NUP50: variants seen among roughly 807,000 people sequenced by gnomAD.
The protein encoded by NUP50 is nuclear pore complex protein Nup50.
In NUP50, 14 loss-of-function variants were observed where a neutral mutation model predicts 36.8. That is an observed-to-expected ratio of 0.38 (90% CI 0.25 to 0.59). The LOEUF is 0.59. Among genes scored for constraint, NUP50 ranks in the 20% least tolerant of loss-of-function variants. The pLI, the probability that NUP50 is intolerant of heterozygous loss-of-function variation, is 0.63. For synonymous variants in NUP50, 195 were observed against 210.8 expected (o/e 0.93, Z 0.65); for missense variants, 455 against 564.6 (o/e 0.81, Z 1.97).
intron 2 of NUP50, among the ~76,000 whole-genome samples, chr22:45,170,671 T>C (rs1402591545): frequency 1.3e-5 from 2 of 152,122 alleles, no homozygotes; most frequent in Admixed American, 6.5e-5. Context: ...AAATCTTTGG[T>C]TATGGGGGTT....
chr22:45,175,818 A>G, intron 3 of NUP50, 76 bp from the exon 4 acceptor site: 1 of 1,459,292 alleles, frequency 6.9e-7, no homozygotes, highest in Admixed American at 1.8e-5. Flanking sequence ...TTTAGCCAAG[A>G]TGCTGTTGTC....
rs1472246856 is a variant in NUP50 at position 45,168,175 on chromosome 22, A to C, written c.-3A>C. 6.2e-7 allele frequency: 1 copy of C among 1,607,642 alleles called. No individual in the cohort carries two copies. The highest frequency in any genetic ancestry group is 1.7e-5 in the Admixed American group (1 of 58,386). Reference sequence around the variant, plus strand: ...CTGTTTTCTATAACTTAGGTTCGAAAACATGGCCAAAAGAAATGCCGAGAA... The same window carrying C: ...CTGTTTTCTATAACTTAGGTTCGAACACATGGCCAAAAGAAATGCCGAGAA... On this transcript the variant is annotated 5_prime_UTR_variant, in exon 2 of 8. Transcript: ENST00000347635.
rs774551982 is a variant in NUP50 at position 45,181,372 on chromosome 22, G to A, written c.1085+5G>A. 6.3e-7 allele frequency: 1 copy of A among 1,575,928 alleles called. No individual in the cohort carries two copies. The highest frequency in any genetic ancestry group is 2.0e-5 in the Admixed American group (1 of 51,252). On this transcript the variant is annotated splice_donor_5th_base_variant and intron_variant, in intron 6 of 7. Coordinates refer to ENST00000347635, the MANE Select transcript of NUP50 (RefSeq NM_007172.4). ...AGATGCTTTTTACTCCAAAAAGTAA[G>A]AATCCCCACAACCTGCTGGCGCATG...
intron 6 of NUP50, among the ~76,000 whole-genome samples, chr22:45,182,697 T>C (rs2074395812): frequency 7.4e-6 from 1 of 135,144 alleles, no homozygotes; most frequent in South Asian, 2.6e-4. Context: ...CAATCTCGGC[T>C]CACTGCAAGC....
At chr22:45,180,203 T>G (rs897356939) in intron 5 of NUP50, 1 of 152,342 alleles carries the variant, frequency 6.6e-6, no homozygotes, top group African/African-American at 2.4e-5. Context: ...CTGTTCCTTG[T>G]CCCTTGGTTA....
Position 45,184,863 on chromosome 22 carries a change from T to C in NUP50, c.*208T>C. 2 of 593,864 alleles carry C rather than the reference T, an allele frequency of 3.4e-6. No individual in the cohort carries two copies. The highest frequency in any genetic ancestry group is 4.2e-5 in the South Asian group (2 of 47,286). The allele number at this position is 593,864 out of a possible 1,614,324, so 36.8% of individuals were successfully genotyped here. A position where few individuals can be genotyped will look rare whatever the true frequency, so the allele number is the denominator to read the frequency against. Reference sequence around the variant, plus strand: ...CTCCCTTCTTAAGAACTGCCTAAAGTGTAAAATACATTTGAATGCAATTTT... The same window carrying C: ...CTCCCTTCTTAAGAACTGCCTAAAGCGTAAAATACATTTGAATGCAATTTT... On this transcript the variant is annotated 3_prime_UTR_variant, in exon 8 of 8. Transcript: ENST00000347635.
At chr22:45,183,129 T>A (rs981684253) in intron 6 of NUP50, among the ~76,000 whole-genome samples, 4 of 150,108 alleles carry the variant, frequency 2.7e-5, no homozygotes, top group African/African-American at 9.8e-5. Context: ...TTTGACTGAC[T>A]TGAGAACACA....
intron 3 of NUP50, among the ~76,000 whole-genome samples, chr22:45,174,520 A>G (rs2074247636): frequency 6.6e-6 from 1 of 152,106 alleles, no homozygotes; most frequent in African/African-American, 2.4e-5. Flanking sequence ...ATTTTTCTGA[A>G]TATCTTTTTT....
intron 2 of NUP50, chr22:45,170,901 G>A: frequency 2.0e-6 from 2 of 1,017,958 alleles, no homozygotes; most frequent in Non-Finnish European, 2.7e-6. Context: ...CCCTCTATGA[G>A]TGTAGGAGCC....
rs916369696 is a variant in NUP50 at position 45,186,791 on chromosome 22, T to C, written c.*2136T>C. On this transcript the variant is annotated 3_prime_UTR_variant, in exon 8 of 8. Coordinates refer to ENST00000347635, the MANE Select transcript of NUP50 (RefSeq NM_007172.4). Reference sequence around the variant, plus strand: ...ATATACCGTAACTCAAAATGTGATATTTTCTTAAAATCACTCTTTTATGCT... The same window carrying C: ...ATATACCGTAACTCAAAATGTGATACTTTCTTAAAATCACTCTTTTATGCT... 21 of 152,650 alleles carry C rather than the reference T, an allele frequency of 1.4e-4. 1 individual carries two copies. The highest frequency in any genetic ancestry group is 5.1e-4 in the African/African-American group (21 of 41,448). 9.5% of individuals were successfully genotyped at this position (152,650 alleles called of 1,614,324 possible).
At chr22:45,169,089 A>G in intron 2 of NUP50, among the ~76,000 whole-genome samples, 1 of 152,068 alleles carries the variant, frequency 6.6e-6, no homozygotes. Flanking sequence ...TTTAGTAGAG[A>G]CAGGGATTCA....
intron 5 of NUP50, chr22:45,179,187 G>GTGAA (rs2074327113): frequency 3.4e-6 from 1 of 296,280 alleles, no homozygotes; most frequent in South Asian, 9.4e-5. Flanking sequence ...TAAAAAACAA[G>GTGAA]TGAATTAAAG....
intron 6 of NUP50, 54 bp downstream of exon 6, chr22:45,181,421 C>A: frequency 8.4e-7 from 1 of 1,186,410 alleles, no homozygotes; most frequent in Non-Finnish European, 1.2e-6. Context: ...TGGTGGCATG[C>A]TTCAGGCTGG....
At position 45,184,543 on chromosome 22, in the gene NUP50, C is replaced by G. The variant is rs1256276417; in HGVS notation, c.1295C>G (p.Pro432Arg). The change falls in exon 8 of 8, where the codon CCA (proline) becomes CGA (arginine). Residue 432 changes from proline (P) to arginine (R), a missense_variant. Transcript: ENST00000347635. ...NNVLIVCVPN[P>R]PIDEKNATMP... ...GTTCTTATCGTCTGTGTTCCAAATC[C>G]ACCAATTGACGAGAAGAATGCCACC... 1 of 1,612,734 alleles carries G rather than the reference C, an allele frequency of 6.2e-7. No individual in the cohort carries two copies. Among genetic ancestry groups the G allele is most frequent in the African/African-American group, 1.3e-5 (1 of 74,972 alleles).
chr22:45,175,393 C>CT (rs936872908), intron 3 of NUP50, among the ~76,000 whole-genome samples: 1 of 152,206 alleles, frequency 6.6e-6, no homozygotes, highest in African/African-American at 2.4e-5. Flanking sequence ...ACTCGATCAT[C>CT]TAAGTTTTTG....
At position 45,183,371 on chromosome 22, in the gene NUP50, G is replaced by A. The variant is rs1232124734; in HGVS notation, c.1086-31G>A. The A allele has an allele frequency of 2.3e-6, 3 of 1,281,468 alleles. No individual in the cohort carries two copies. In the Admixed American group the frequency reaches 5.2e-5, roughly 22 times the overall value. 79.4% of individuals were successfully genotyped at this position (1,281,468 alleles called of 1,614,324 possible). ...TGTGTGACTTGATTCGTCCTTGAATGCTTGATGGTCCCTATTATTTTTCTC... is the reference window on the plus strand; with the variant it reads ...TGTGTGACTTGATTCGTCCTTGAATACTTGATGGTCCCTATTATTTTTCTC... On this transcript the variant is annotated intron_variant, in intron 6 of 7. Coordinates refer to ENST00000347635, the MANE Select transcript of NUP50 (RefSeq NM_007172.4).
In NUP50 at chr22:45,186,130, G is replaced by A. The variant is rs1395413971; in HGVS notation, c.*1475G>A. On this transcript the variant is annotated 3_prime_UTR_variant, in exon 8 of 8. Transcript: ENST00000347635. ...CTGAGGTGTGATTGGGCCAATGTTGGCATGAGGTTCTTGCTCTACTTCCAG... is the reference window on the plus strand; with the variant it reads ...CTGAGGTGTGATTGGGCCAATGTTGACATGAGGTTCTTGCTCTACTTCCAG... The A allele has an allele frequency of 6.6e-6, 1 of 152,214 alleles. No individual in the cohort carries two copies. Among genetic ancestry groups the A allele is most frequent in the East Asian group, 1.9e-4 (1 of 5,202 alleles). 9.4% of individuals were successfully genotyped at this position (152,214 alleles called of 1,614,324 possible). A position where few individuals can be genotyped will look rare whatever the true frequency, so the allele number is the denominator to read the frequency against.
intron 3 of NUP50, among the ~76,000 whole-genome samples, chr22:45,174,274 C>G (rs1337237311): frequency 6.6e-6 from 1 of 151,228 alleles, no homozygotes; most frequent in African/African-American, 2.4e-5. Flanking sequence ...GCCTCCTGAG[C>G]TGAAGCAATC....
chr22:45,167,339 G>C (rs983977246), intron 1 of NUP50, among the ~76,000 whole-genome samples: 6 of 152,096 alleles, frequency 3.9e-5, no homozygotes, highest in Non-Finnish European at 8.8e-5. Context: ...CTGGGTTGTG[G>C]GTTTTCTTTG....
Sources: gnomAD v4.1 joint callset for allele counts (sites outside exome capture counted in the v4.1 genomes callset) on GRCh38, gnomAD v4.1.1 for gene constraint, MANE v1.5 for transcripts, NCBI Gene and HGNC (gene_info 2026-07-23, HGNC 2026-07-21) for gene names.